Variants in RBFOX1 observed in about 807,000 individuals in gnomAD.
The protein encoded by RBFOX1 is RNA binding fox-1 homolog 1.
A neutral mutation model predicts 57.7 loss-of-function variants in RBFOX1; 8 were observed. The observed-to-expected ratio is 0.14, with a 90% CI of 0.08 to 0.25. The LOEUF is 0.25. Ranked by LOEUF, RBFOX1 falls within the 10% of genes least tolerant of loss-of-function variation. RBFOX1 has a pLI of 1.00. For missense variants in RBFOX1, 611 were observed against 548.5 expected, an observed-to-expected ratio of 1.11 and a Z score of -1.14; for synonymous variants, 326 against 222.4, an observed-to-expected ratio of 1.47 and a Z score of -4.15.
chr16:7,062,926 T>TTTTTTTTTTTTTTTTTTTTTTTTTTTC (rs2054916703), intron 4 of RBFOX1, among the ~76,000 whole-genome samples: 1 of 103,828 alleles, frequency 9.6e-6, no homozygotes, highest in Non-Finnish European at 2.0e-5. Context: ...TTTTTTTTTT[T>TTTTTTTTTTTTTTTTTTTTTTTTTTTC]TTGCTGAAGT....
At chr16:6,774,024 T>A in intron 3 of RBFOX1, 2 of 984,854 alleles carry the variant, frequency 2.0e-6, no homozygotes, top group Non-Finnish European at 2.4e-6. Context: ...GTAATCACAG[T>A]TTGCTTTTTC....
At chr16:7,617,817 G>A (rs964058262) in intron 10 of RBFOX1, among the ~76,000 whole-genome samples, 1 of 152,118 alleles carries the variant, frequency 6.6e-6, no homozygotes, top group Non-Finnish European at 1.5e-5. Flanking sequence ...AGTGATACCT[G>A]CTAGAGCCAA....
rs551281729 is a variant in RBFOX1 at position 7,384,005 on chromosome 16, G to A, written c.28-134142G>A. 3.4e-3 allele frequency among the ~76,000 whole-genome samples: 508 copies of A among 150,010 alleles called. 2 individuals are homozygous for A. The highest frequency in any genetic ancestry group is 5.7e-3 in the Admixed American group (85 of 15,020). On this transcript the variant is annotated intron_variant, in intron 4 of 15. Coordinates refer to ENST00000550418, the MANE Select transcript of RBFOX1 (RefSeq NM_018723.4). ...GTAGGTGGAGGTTGCAGTGAGCAGAGATCGTGCCGTTGCACCCCAGCCTGG... is the reference window on the plus strand; with the variant it reads ...GTAGGTGGAGGTTGCAGTGAGCAGAAATCGTGCCGTTGCACCCCAGCCTGG...
At chr16:5,459,595 C>T (rs1043360171) in intron 1 of RBFOX1, among the ~76,000 whole-genome samples, 2 of 152,058 alleles carry the variant, frequency 1.3e-5, no homozygotes, top group African/African-American at 4.8e-5. Flanking sequence ...CACGATCCCC[C>T]AATTTTTCCT....
chr16:6,848,756 G>A (rs1305922043), intron 3 of RBFOX1, among the ~76,000 whole-genome samples: 2 of 152,094 alleles, frequency 1.3e-5, no homozygotes, highest in Non-Finnish European at 2.9e-5. Context: ...AAGTCACATT[G>A]CCAAGTAGAA....
intron 2 of RBFOX1, among the ~76,000 whole-genome samples, chr16:6,380,051 C>T (rs924456876): frequency 2.6e-5 from 4 of 152,204 alleles, no homozygotes; most frequent in East Asian, 3.9e-4. Context: ...TAAGGAAGTC[C>T]GTAGGCTTTA....
At chr16:6,700,944 T>C (rs1222926538) in intron 3 of RBFOX1, among the ~76,000 whole-genome samples, 1 of 152,076 alleles carries the variant, frequency 6.6e-6, no homozygotes, top group Non-Finnish European at 1.5e-5. Flanking sequence ...CGAGGTTGGG[T>C]TCACAGATAA....
intron 3 of RBFOX1, among the ~76,000 whole-genome samples, chr16:5,726,844 C>G (rs896416655): frequency 6.6e-6 from 1 of 152,172 alleles, no homozygotes; most frequent in East Asian, 1.9e-4. Flanking sequence ...CTTGGTGTCT[C>G]AGCTACAATC....
At chr16:7,339,340 T>C (rs1396232474) in intron 4 of RBFOX1, among the ~76,000 whole-genome samples, 1 of 152,194 alleles carries the variant, frequency 6.6e-6, no homozygotes, top group Admixed American at 6.5e-5. Context: ...CTAGATCTCT[T>C]CCAACAGGAA....
chr16:7,664,162 A>G (rs141139834), intron 12 of RBFOX1, among the ~76,000 whole-genome samples: 1 of 152,262 alleles, frequency 6.6e-6, no homozygotes, highest in South Asian at 2.1e-4. Context: ...ATAAGTATAC[A>G]CATGCATATA....
At position 5,954,220 on chromosome 16, in the gene RBFOX1, C is replaced by T. The variant is rs768219240; in HGVS notation, c.351+86885C>T. Among the ~76,000 whole-genome samples the T allele has an allele frequency of 4.6e-5, 7 of 152,250 alleles. No homozygotes were observed. In the South Asian group the frequency reaches 6.2e-4, roughly 14 times the overall value. On this transcript the variant is annotated intron_variant, in intron 4 of 19. Coordinates refer to the RBFOX1 transcript ENST00000641259. Reference sequence around the variant, plus strand: ...TGCTTCATCACATATTCAGGCTGGCCGTGGTCTCATGGATGGAGGGGCTTC... The same window carrying T: ...TGCTTCATCACATATTCAGGCTGGCTGTGGTCTCATGGATGGAGGGGCTTC...
chr16:7,170,363 C>T (rs1023693148), intron 4 of RBFOX1, among the ~76,000 whole-genome samples: 1 of 152,050 alleles, frequency 6.6e-6, no homozygotes, highest in Non-Finnish European at 1.5e-5. Flanking sequence ...GCTTGAACTC[C>T]TGGGTGCAAG....
At chr16:6,900,224 C>G (rs2068108750) in intron 3 of RBFOX1, among the ~76,000 whole-genome samples, 1 of 152,132 alleles carries the variant, frequency 6.6e-6, no homozygotes, top group Non-Finnish European at 1.5e-5. Flanking sequence ...AATTCACTTG[C>G]TATTTAAGCA....
At chr16:6,526,742 A>G (rs1336851324) in intron 2 of RBFOX1, among the ~76,000 whole-genome samples, 6 of 141,380 alleles carry the variant, frequency 4.2e-5, no homozygotes, top group Non-Finnish European at 7.6e-5. Context: ...AGGCAGGAGA[A>G]TGGCTTGAAC....
chr16:6,853,591 C>T (rs978975276), intron 3 of RBFOX1, among the ~76,000 whole-genome samples: 2 of 152,088 alleles, frequency 1.3e-5, no homozygotes, highest in Non-Finnish European at 2.9e-5. Context: ...GGATTCCTAC[C>T]TCCTTGTACT....
At position 7,202,818 on chromosome 16, in the gene RBFOX1, A is replaced by T. The variant is rs375192352; in HGVS notation, c.27+150720A>T. On this transcript the variant is annotated intron_variant, in intron 4 of 15. Transcript: ENST00000550418. ...CCTGCAACAGCCCCCCACCCTGGCC[A>T]TTAGTTTATCTTCCACAAAACTGGT... Among the ~76,000 whole-genome samples the T allele has an allele frequency of 5.9e-5, 9 of 152,258 alleles. No individual in the cohort carries two copies. In the South Asian group the frequency reaches 1.5e-3, roughly 25 times the overall value.
At chr16:7,700,092 G>A (rs1442427945) in intron 14 of RBFOX1, among the ~76,000 whole-genome samples, 1 of 152,076 alleles carries the variant, frequency 6.6e-6, no homozygotes, top group Admixed American at 6.6e-5. Context: ...CTTAATCTTT[G>A]ATCTGCTTGC....
chr16:7,681,831 G>A (rs1232346544), intron 14 of RBFOX1, among the ~76,000 whole-genome samples: 1 of 152,046 alleles, frequency 6.6e-6, no homozygotes, highest in African/African-American at 2.4e-5. Context: ...GCTTTCCCCA[G>A]TCCTCTTATC....
chr16:5,764,540 C>G (rs2053708978), intron 3 of RBFOX1, among the ~76,000 whole-genome samples: 1 of 152,144 alleles, frequency 6.6e-6, no homozygotes, highest in African/African-American at 2.4e-5. Context: ...CACAGCTTCC[C>G]TGATTTCTCT....
Sources: gnomAD v4.1 joint callset for allele counts (sites outside exome capture counted in the v4.1 genomes callset) on GRCh38, gnomAD v4.1.1 for gene constraint, MANE v1.5 for transcripts, NCBI Gene and HGNC (gene_info 2026-07-23, HGNC 2026-07-21) for gene names.